The following CELF2 variants were observed in gnomAD, a reference collection of about 807,000 sequenced individuals.
CELF2 encodes the protein CUGBP Elav-like family member 2.
In CELF2, 8 loss-of-function variants were observed where a neutral mutation model predicts 62.6. The ratio of observed to expected loss-of-function variants is 0.13; its 90% confidence interval spans 0.07 to 0.23. The LOEUF is 0.23. Ranked by LOEUF, CELF2 falls within the 10% of genes least tolerant of loss-of-function variation. The pLI, the probability that CELF2 is intolerant of heterozygous loss-of-function variation, is 1.00. For missense variants in CELF2, 333 were observed against 671.0 expected (o/e 0.50, Z 5.56); for synonymous variants, 258 against 250.0 (o/e 1.03, Z -0.30).
chr10:11,182,082 C>T (rs190634544), intron 2 of CELF2, among the ~76,000 whole-genome samples: 5 of 152,224 alleles, frequency 3.3e-5, no homozygotes, highest in African/African-American at 1.2e-4. Flanking sequence ...AGGAGAAAAA[C>T]AGTTCACTCT....
rs1175138885 is a variant in CELF2, at chr10:11,157,216, A to C, written c.75-8270A>C. Among the ~76,000 whole-genome samples, 1 of 152,062 alleles carries C rather than the reference A, an allele frequency of 6.6e-6. No individual in the cohort carries two copies. Among genetic ancestry groups the C allele is most frequent in the Non-Finnish European group, 1.5e-5 (1 of 68,018 alleles). On this transcript the variant is annotated intron_variant, in intron 1 of 12. Coordinates refer to ENST00000633077, the MANE Select transcript of CELF2 (RefSeq NM_001326342.2). The surrounding 1 kb of genome is among the most constrained non-coding windows in gnomAD (Gnocchi z 4.9). ...CTTTGCTGGTACTTCCGTGCCTCTCACACATGCATGGTTGTAGAGGAGCTG... is the reference window on the plus strand; with the variant it reads ...CTTTGCTGGTACTTCCGTGCCTCTCCCACATGCATGGTTGTAGAGGAGCTG...
chr10:10,767,422 A>G, the CELF2 span, among the ~76,000 whole-genome samples: 1 of 152,288 alleles, frequency 6.6e-6, no homozygotes, highest in Admixed American at 6.5e-5. Context: ...CCTGATACCA[A>G]TGCTCTCAGC....
Position 10,983,816 on chromosome 10 carries a change from C to A in CELF2, c.89+63817C>A, listed in dbSNP as rs980003164. Among the ~76,000 whole-genome samples, 1 of 152,208 alleles carries A rather than the reference C, an allele frequency of 6.6e-6. No homozygotes were observed. ...CTCCTCACAGGTGATCCACCTGCCT[C>A]AGCCTCCCAAAGTGCTGGGATTACA... On this transcript the variant is annotated intron_variant, in intron 2 of 13. Transcript: ENST00000636488. The surrounding 1 kb of genome is among the most constrained non-coding windows in gnomAD (Gnocchi z 5.2).
chr10:10,614,069 C>T, the CELF2 span, among the ~76,000 whole-genome samples: 1 of 152,106 alleles, frequency 6.6e-6, no homozygotes, highest in East Asian at 1.9e-4. Flanking sequence ...CTCTCCCCAG[C>T]TAGTGGAGAA....
intron 1 of CELF2, among the ~76,000 whole-genome samples, chr10:11,032,320 T>G (rs370499839): frequency 6.6e-6 from 1 of 152,118 alleles, no homozygotes; most frequent in East Asian, 1.9e-4. Flanking sequence ...CCCTTGAAAT[T>G]GTTAAAGAGA....
chr10:10,750,670 G>C, the CELF2 span, among the ~76,000 whole-genome samples: 1 of 152,248 alleles, frequency 6.6e-6, no homozygotes, highest in Non-Finnish European at 1.5e-5. Context: ...GTGTATACGT[G>C]TGTTCCATCT....
the CELF2 span, among the ~76,000 whole-genome samples, chr10:10,750,354 T>C: frequency 6.6e-6 from 1 of 152,180 alleles, no homozygotes; most frequent in African/African-American, 2.4e-5. Flanking sequence ...TACTATTTTT[T>C]ATAGTTAGTG....
the CELF2 span, among the ~76,000 whole-genome samples, chr10:10,511,874 T>C: frequency 6.6e-6 from 1 of 152,180 alleles, no homozygotes. Context: ...GGCTACAAAT[T>C]TGCACTCATA....
chr10:10,841,424 G>A (rs887407734), intron 1 of CELF2, among the ~76,000 whole-genome samples: 7 of 151,250 alleles, frequency 4.6e-5, no homozygotes, highest in Admixed American at 3.3e-4. Flanking sequence ...TTTTATATCT[G>A]AGTTAATTTT....
the CELF2 span, among the ~76,000 whole-genome samples, chr10:10,628,159 C>T: frequency 6.6e-6 from 1 of 152,162 alleles, no homozygotes; most frequent in Non-Finnish European, 1.5e-5. Context: ...CTGCCTTGGG[C>T]TCCCAAAGTG....
the CELF2 span, among the ~76,000 whole-genome samples, chr10:10,763,420 GC>G: frequency 2.7e-4 from 41 of 152,164 alleles, no homozygotes; most frequent in African/African-American, 9.9e-4. Flanking sequence ...TGAGATGGAG[GC>G]CCTCCAAACT....
intron 2 of CELF2, among the ~76,000 whole-genome samples, chr10:11,182,442 G>A (rs981700659): frequency 2.6e-5 from 4 of 152,166 alleles, no homozygotes; most frequent in Admixed American, 6.5e-5. Context: ...GGAACTCTAA[G>A]ACAATGATAT....
intron 2 of CELF2, among the ~76,000 whole-genome samples, chr10:11,170,055 A>ATG (rs1484633843): frequency 2.6e-5 from 4 of 152,196 alleles, no homozygotes; most frequent in South Asian, 2.1e-4. Context: ...AAATGCATGG[A>ATG]TGTATACATG....
chr10:11,226,317 A>G (rs1240528337), intron 3 of CELF2, among the ~76,000 whole-genome samples: 3 of 152,228 alleles, frequency 2.0e-5, no homozygotes, highest in African/African-American at 4.8e-5. Flanking sequence ...TAGAACCAGT[A>G]TGTCTGGACT....
the CELF2 span, among the ~76,000 whole-genome samples, chr10:10,720,176 G>GC: frequency 6.6e-6 from 1 of 152,154 alleles, no homozygotes; most frequent in Non-Finnish European, 1.5e-5. Flanking sequence ...CTTACGGCAG[G>GC]CAACTCATCT....
At chr10:11,274,093 AAT>A (rs1401200587) in intron 7 of CELF2, among the ~76,000 whole-genome samples, 1 of 151,998 alleles carries the variant, frequency 6.6e-6, no homozygotes, top group Non-Finnish European at 1.5e-5. Flanking sequence ...ACAATGTGAC[AAT>A]ATTTCAGTAA....
At chr10:11,064,451 A>G (rs61830419) in intron 1 of CELF2, among the ~76,000 whole-genome samples, 3,569 of 152,332 alleles carry the variant, frequency 0.023, 72 homozygotes, top group South Asian at 0.051. Context: ...TGGAACAGTA[A>G]CCTTCAAGTT....
intron 1 of CELF2, among the ~76,000 whole-genome samples, chr10:11,043,644 C>T (rs2139632672): frequency 6.6e-6 from 1 of 152,294 alleles, no homozygotes; most frequent in Non-Finnish European, 1.5e-5. Context: ...GGCAGACCTC[C>T]AGAGGCTTTG....
Position 11,005,343 on chromosome 10 carries a change from G to C in CELF2, c.-45G>C. On this transcript the variant is annotated 5_prime_UTR_variant, in exon 1 of 13. Coordinates refer to the CELF2 transcript ENST00000416382. The surrounding 1 kb of genome is among the most constrained non-coding windows in gnomAD (Gnocchi z 4.3). ...CAGCGACTGTGGCATTGATGTTTGA[G>C]CATACTTCTGAACTGGCTTTTGTTG... 1 of 1,613,278 alleles carries C rather than the reference G, an allele frequency of 6.2e-7. No individual in the cohort carries two copies. The highest frequency in any genetic ancestry group is 8.5e-7 in the Non-Finnish European group (1 of 1,179,570).
Sources: gnomAD v4.1 joint callset for allele counts (sites outside exome capture counted in the v4.1 genomes callset) on GRCh38, gnomAD v4.1.1 for gene constraint, Gnocchi (gnomAD v3.1) non-coding constraint, MANE v1.5 for transcripts, NCBI Gene and HGNC (gene_info 2026-07-23, HGNC 2026-07-21) for gene names.